CLTCL1: variants seen among roughly 807,000 people sequenced by gnomAD.
CLTCL1 encodes clathrin heavy chain like 1.
CLTCL1 carries 159 observed loss-of-function variants against 190.0 expected under a neutral mutation model. The observed-to-expected ratio is 0.84, with a 90% CI of 0.74 to 0.95. The LOEUF is 0.95. CLTCL1 is among the 40% of genes least tolerant of loss of function. CLTCL1 has a pLI of 0.00. For missense variants in CLTCL1, 1,878 were observed against 2,033.4 expected (o/e 0.92, Z 1.47); for synonymous variants, 752 against 769.6 (o/e 0.98, Z 0.38).
chr22:19,272,947 T>A (rs1267265305), intron 2 of CLTCL1, among the ~76,000 whole-genome samples: 3 of 152,152 alleles, frequency 2.0e-5, no homozygotes, highest in Non-Finnish European at 4.4e-5. Context: ...CCTAGCCCTT[T>A]TTGTAAAGGG....
chr22:19,267,652 G>T (rs889459723), intron 2 of CLTCL1, among the ~76,000 whole-genome samples: 1 of 152,184 alleles, frequency 6.6e-6, no homozygotes, highest in Non-Finnish European at 1.5e-5. Context: ...CCAATACTTT[G>T]TGAGGCTGAG....
chr22:19,258,246 G>T, intron 2 of CLTCL1: 2 of 344,790 alleles, frequency 5.8e-6, no homozygotes, highest in South Asian at 4.8e-5. Context: ...CAAATATCAG[G>T]ACCTTGGCAA....
chr22:19,193,656 T>C (rs1481226076), intron 26 of CLTCL1, among the ~76,000 whole-genome samples: 1 of 152,172 alleles, frequency 6.6e-6, no homozygotes, highest in African/African-American at 2.4e-5. Flanking sequence ...GGATTGTGTC[T>C]GTAATTTATT....
Position 19,232,779 on chromosome 22 carries a change from A to G in CLTCL1, c.1522-181T>C, listed in dbSNP as rs930529513. ...AATTAAATGAATTGATTTAATGTAC[A>G]TGGAAGGCACAATTAACTATACAAA... On this transcript the variant is annotated intron_variant, in intron 9 of 32. Transcript: ENST00000427926. 3.6e-6 allele frequency: 3 copies of G among 825,372 alleles called. No individual in the cohort carries two copies. The East Asian group carries it at 8.3e-5, about 23-fold the overall frequency. The allele number at this position is 825,372 out of a possible 1,614,324, so 51.1% of individuals were successfully genotyped here.
At chr22:19,216,374 G>A in intron 18 of CLTCL1, 118 bp from the exon 19 acceptor site, 1 of 869,454 alleles carries the variant, frequency 1.2e-6, no homozygotes, top group Middle Eastern at 2.5e-4. Context: ...CAGAGAAAAT[G>A]GGAGACTTCT....
intron 1 of CLTCL1, among the ~76,000 whole-genome samples, chr22:19,290,970 C>T (rs2088093919): frequency 1.3e-5 from 2 of 152,192 alleles, no homozygotes; most frequent in South Asian, 2.1e-4. Flanking sequence ...GACCCGCGAG[C>T]GGCCCGCACG....
intron 2 of CLTCL1, among the ~76,000 whole-genome samples, chr22:19,267,300 AC>A (rs1382271572): frequency 1.3e-5 from 2 of 152,196 alleles, no homozygotes; most frequent in South Asian, 2.1e-4. Context: ...AATATGCAAA[AC>A]ATCACTGAAA....
At chr22:19,227,441 C>A (rs925338044) in intron 11 of CLTCL1, among the ~76,000 whole-genome samples, 8 of 151,124 alleles carry the variant, frequency 5.3e-5, no homozygotes, top group Non-Finnish European at 1.0e-4. Flanking sequence ...TGCCACCACA[C>A]CTGGCTACTT....
intron 1 of CLTCL1, among the ~76,000 whole-genome samples, 200 bp from the exon 2 acceptor site, chr22:19,276,030 C>G (rs2087493180): frequency 7.8e-6 from 1 of 127,944 alleles, no homozygotes. Context: ...TGAGAGATTA[C>G]CAGCCCACAG....
Position 19,216,346 on chromosome 22 carries a change from G to A in CLTCL1, c.2920-90C>T, listed in dbSNP as rs1253007173. On this transcript the variant is annotated intron_variant, in intron 18 of 32. Coordinates refer to ENST00000427926, the MANE Select transcript of CLTCL1 (RefSeq NM_007098.4). ...AAACAGAAGGGAAGGACTCCTCCAAGATGGTCTGGAATAGACACAGAGAAA... is the reference window on the plus strand; with the variant it reads ...AAACAGAAGGGAAGGACTCCTCCAAAATGGTCTGGAATAGACACAGAGAAA... 5.5e-6 allele frequency: 7 copies of A among 1,266,366 alleles called. No individual in the cohort carries two copies. In the African/African-American group the frequency reaches 8.8e-5, roughly 16 times the overall value. 78.4% of individuals were successfully genotyped at this position (1,266,366 alleles called of 1,614,324 possible). A position where few individuals can be genotyped will look rare whatever the true frequency, so the allele number is the denominator to read the frequency against.
chr22:19,183,491 G>A lies in CLTCL1; in HGVS notation c.4726C>T (p.Leu1576=). ...FAACLFTCYD[L]LRPDMVLELA... is the part of the protein sequence containing the mutation. Reference sequence around the variant, plus strand: ...TCAAGCACCATGTCTGGGCGAAGCAGGTCATAGCAGGTGAAGAGACAAGCT... The same window carrying A: ...TCAAGCACCATGTCTGGGCGAAGCAAGTCATAGCAGGTGAAGAGACAAGCT... Residue 1576 remains leucine (L), a synonymous_variant, in exon 30 of 33, where the codon CTG becomes TTG. Transcript: ENST00000427926. The A allele has an allele frequency of 6.2e-7, 1 of 1,610,134 alleles. No individual in the cohort carries two copies. The highest frequency in any genetic ancestry group is 1.3e-5 in the African/African-American group (1 of 75,028).
intron 22 of CLTCL1, among the ~76,000 whole-genome samples, chr22:19,203,609 G>C (rs1163553686): frequency 2.0e-5 from 3 of 152,046 alleles, no homozygotes; most frequent in Non-Finnish European, 2.9e-5. Flanking sequence ...TCTCCCTGCT[G>C]TGGGGCTTTG....
chr22:19,215,960 T>C, intron 19 of CLTCL1, 151 bp downstream of exon 19: 2 of 659,662 alleles, frequency 3.0e-6, no homozygotes, highest in East Asian at 2.8e-5. Context: ...TAGATTGAGG[T>C]AGAGGAGGTG....
chr22:19,211,537 G>A (rs1368827435), intron 19 of CLTCL1, among the ~76,000 whole-genome samples: 2 of 152,020 alleles, frequency 1.3e-5, no homozygotes, highest in Non-Finnish European at 1.5e-5. Flanking sequence ...GGGAGGCTGA[G>A]GCGGGTGGAT....
intron 14 of CLTCL1, among the ~76,000 whole-genome samples, chr22:19,223,051 C>G (rs574130176): frequency 6.6e-6 from 1 of 152,270 alleles, no homozygotes; most frequent in East Asian, 1.9e-4. Flanking sequence ...CATTCCAAAT[C>G]TGGACAAAAA....
chr22:19,267,615 C>A (rs782199242), intron 2 of CLTCL1, among the ~76,000 whole-genome samples: 1 of 152,116 alleles, frequency 6.6e-6, no homozygotes, highest in Non-Finnish European at 1.5e-5. Flanking sequence ...AGATCTGGGT[C>A]GGGCACAGTG....
chr22:19,253,405 C>T (rs1258651374), intron 3 of CLTCL1, among the ~76,000 whole-genome samples: 3 of 152,194 alleles, frequency 2.0e-5, no homozygotes, highest in Non-Finnish European at 4.4e-5. Context: ...ACCCCATGGG[C>T]CACGGTCCCT....
At chr22:19,218,799 A>G (rs1270719999) in intron 18 of CLTCL1, among the ~76,000 whole-genome samples, 1 of 152,206 alleles carries the variant, frequency 6.6e-6, no homozygotes, top group Non-Finnish European at 1.5e-5. Flanking sequence ...CCAGAGGCCG[A>G]GGCAGACTCC....
intron 22 of CLTCL1, among the ~76,000 whole-genome samples, chr22:19,201,846 C>A (rs1445515225): frequency 2.6e-5 from 4 of 152,132 alleles, no homozygotes; most frequent in African/African-American, 7.2e-5. Context: ...AAACCGTTCA[C>A]AACCAATCTT....
Sources: gnomAD v4.1 joint callset for allele counts (sites outside exome capture counted in the v4.1 genomes callset) on GRCh38, gnomAD v4.1.1 for gene constraint, MANE v1.5 for transcripts, NCBI Gene and HGNC (gene_info 2026-07-23, HGNC 2026-07-21) for gene names.